FHOD3: variants seen among roughly 807,000 people sequenced by gnomAD.
The protein encoded by FHOD3 is formin homology 2 domain containing 3, also known as FH1/FH2 domain-containing protein 3.
In FHOD3, 90 loss-of-function variants were observed where a neutral mutation model predicts 173.0. That is an observed-to-expected ratio of 0.52 (90% CI 0.44 to 0.62). The LOEUF is 0.62. FHOD3 is among the 20% of genes least tolerant of loss of function. The pLI is 0.00. For synonymous variants in FHOD3, 828 were observed against 823.0 expected (o/e 1.01, Z -0.10); for missense variants, 1,945 against 2,034.7 (o/e 0.96, Z 0.85).
chr18:36,308,234 A>ATTAC (rs1249276084), intron 1 of FHOD3, among the ~76,000 whole-genome samples: 1 of 152,232 alleles, frequency 6.6e-6, no homozygotes, highest in Non-Finnish European at 1.5e-5. Flanking sequence ...CTCATATTTG[A>ATTAC]TTACTTCCTT....
intron 9 of FHOD3, among the ~76,000 whole-genome samples, chr18:36,619,257 G>A (rs1568502931): frequency 6.6e-6 from 1 of 152,170 alleles, no homozygotes; most frequent in East Asian, 1.9e-4. Flanking sequence ...AGCAGAGGAT[G>A]GTGCAGAGGA....
At chr18:36,513,624 C>T (rs921053243) in intron 5 of FHOD3, among the ~76,000 whole-genome samples, 8 of 152,144 alleles carry the variant, frequency 5.3e-5, no homozygotes, top group African/African-American at 1.7e-4. Context: ...AGCAAACTGA[C>T]ACAGTCATCT....
chr18:36,531,924 C>T (rs2056798805), intron 5 of FHOD3, among the ~76,000 whole-genome samples: 1 of 152,196 alleles, frequency 6.6e-6, no homozygotes, highest in Non-Finnish European at 1.5e-5. Context: ...CAGCCCAGCA[C>T]CTCTGCATTC....
At chr18:36,338,519 G>A (rs2045441115) in intron 1 of FHOD3, among the ~76,000 whole-genome samples, 1 of 152,200 alleles carries the variant, frequency 6.6e-6, no homozygotes, top group East Asian at 1.9e-4. Flanking sequence ...GAACCATGAT[G>A]TCCTGCAGGC....
At chr18:36,415,668 C>T (rs764514341) in intron 3 of FHOD3, among the ~76,000 whole-genome samples, 2 of 152,158 alleles carry the variant, frequency 1.3e-5, no homozygotes, top group South Asian at 4.1e-4. Flanking sequence ...CCAAGTCATA[C>T]GGTAAGTCAT....
At chr18:36,645,177 TTGGG>T (rs1401841858) in intron 10 of FHOD3, among the ~76,000 whole-genome samples, 10 of 81,814 alleles carry the variant, frequency 1.2e-4, no homozygotes, top group Admixed American at 4.1e-4. Flanking sequence ...CATGGTGGCT[TTGGG>T]AGGCTGAGGT....
chr18:36,302,785 G>A (rs2091988660), intron 1 of FHOD3, among the ~76,000 whole-genome samples: 3 of 152,220 alleles, frequency 2.0e-5, no homozygotes, highest in Admixed American at 2.0e-4. Context: ...CAAGTGTGTT[G>A]TGTCATAGTA....
chr18:36,529,956 GAACACTGCTCAATGTTGAA>G (rs1051133748), intron 5 of FHOD3, among the ~76,000 whole-genome samples: 18 of 151,864 alleles, frequency 1.2e-4, no homozygotes, highest in African/African-American at 4.4e-4. Context: ...AGGGTTCCAG[GAACACTGCTCAATGTTGAA>G]AACCTTGCTT....
intron 1 of FHOD3, among the ~76,000 whole-genome samples, chr18:36,348,440 G>T (rs1187602328): frequency 6.6e-6 from 1 of 152,196 alleles, no homozygotes; most frequent in Admixed American, 6.5e-5. Flanking sequence ...AGCCAAGAGT[G>T]GGGCTAGCTT....
chr18:36,500,194 T>C (rs1254320998), intron 3 of FHOD3, among the ~76,000 whole-genome samples: 1 of 152,232 alleles, frequency 6.6e-6, no homozygotes, highest in Non-Finnish European at 1.5e-5. Flanking sequence ...GGAAGTGATG[T>C]CATCTAGTGG....
chr18:36,514,070 G>C (rs1352594920), intron 5 of FHOD3, among the ~76,000 whole-genome samples: 4 of 138,972 alleles, frequency 2.9e-5, no homozygotes, highest in Non-Finnish European at 6.1e-5. Context: ...GTGCAGTGGC[G>C]CGATCTCGGC....
At position 36,702,824 on chromosome 18, in the gene FHOD3, G is replaced by A. The variant is rs556993127; in HGVS notation, c.2237-6271G>A. ...GCCCACTGTGTGTGTGTGCGCGTGT[G>A]TGTGTGCACGTGTGCGTACACGCTT... On this transcript the variant is annotated intron_variant, in intron 17 of 28. Transcript: ENST00000590592. Among the ~76,000 whole-genome samples, 66 of 152,268 alleles carry A rather than the reference G, an allele frequency of 4.3e-4. 2 individuals carry two copies. In the South Asian group the frequency reaches 0.013, roughly 31 times the overall value.
intron 3 of FHOD3, among the ~76,000 whole-genome samples, chr18:36,483,323 C>A (rs577976501): frequency 6.6e-6 from 1 of 152,250 alleles, no homozygotes; most frequent in African/African-American, 2.4e-5. Context: ...GACAGATGGA[C>A]GGCAAAGCTC....
chr18:36,326,634 C>T (rs571592222), intron 1 of FHOD3, among the ~76,000 whole-genome samples: 22 of 152,070 alleles, frequency 1.4e-4, no homozygotes, highest in African/African-American at 4.6e-4. Context: ...AATTAGTAGT[C>T]GCAGGTACTC....
At chr18:36,466,990 C>G (rs1023563181) in intron 3 of FHOD3, among the ~76,000 whole-genome samples, 3 of 151,920 alleles carry the variant, frequency 2.0e-5, no homozygotes, top group Non-Finnish European at 2.9e-5. Context: ...TTTTAAAAAA[C>G]TTATGTTTGG....
At chr18:36,679,658 A>C (rs895018223) in intron 14 of FHOD3, among the ~76,000 whole-genome samples, 3 of 151,864 alleles carry the variant, frequency 2.0e-5, no homozygotes, top group Non-Finnish European at 4.4e-5. Flanking sequence ...GTTATTAGAC[A>C]TGTTTTAGTT....
intron 14 of FHOD3, among the ~76,000 whole-genome samples, chr18:36,673,142 C>T (rs1568585210): frequency 6.6e-6 from 1 of 152,140 alleles, no homozygotes; most frequent in African/African-American, 2.4e-5. Context: ...CTTTGCTCAG[C>T]CTGGGCAGTG....
In FHOD3 at chr18:36,376,924, C is replaced by T. The variant is rs532005173; in HGVS notation, c.337+4180C>T. 1.4e-4 allele frequency among the ~76,000 whole-genome samples: 22 copies of T among 152,362 alleles called. 1 individual carries two copies. The South Asian group carries it at 4.6e-3, about 32-fold the overall frequency. On this transcript the variant is annotated intron_variant, in intron 3 of 28. Coordinates refer to ENST00000590592, the MANE Select transcript of FHOD3 (RefSeq NM_001281740.3). ...CAGCCAGCCGATTTAGGAGCATTGGCTCCCTGGGGCGCTGTGTTGAGCAAG... is the reference window on the plus strand; with the variant it reads ...CAGCCAGCCGATTTAGGAGCATTGGTTCCCTGGGGCGCTGTGTTGAGCAAG...
chr18:36,581,693 C>A (rs868352600), intron 6 of FHOD3, among the ~76,000 whole-genome samples: 1 of 152,226 alleles, frequency 6.6e-6, no homozygotes, highest in African/African-American at 2.4e-5. Flanking sequence ...CACATACATA[C>A]ATGCTCGTGC....
Sources: gnomAD v4.1 joint callset for allele counts (sites outside exome capture counted in the v4.1 genomes callset) on GRCh38, gnomAD v4.1.1 for gene constraint, MANE v1.5 for transcripts, NCBI Gene and HGNC (gene_info 2026-07-23, HGNC 2026-07-21) for gene names.